AKAP8: variants seen among roughly 807,000 people sequenced by gnomAD.
The protein encoded by AKAP8 is A-kinase anchor protein 8.
AKAP8 carries 24 observed loss-of-function variants against 67.5 expected under a neutral mutation model. The observed-to-expected ratio is 0.36, with a 90% CI of 0.26 to 0.50. AKAP8 has a LOEUF of 0.50. AKAP8 is among the 20% of genes least tolerant of loss of function. AKAP8 has a pLI of 0.97. For synonymous variants in AKAP8, 400 were observed against 371.1 expected (o/e 1.08, Z -0.90); for missense variants, 971 against 955.9 (o/e 1.02, Z -0.21).
chr19:15,369,501 G>A lies in AKAP8; in HGVS notation c.1072+645C>T, dbSNP rs769988323. ...GGCTTCAGGGTGAGCTCCAGGCCGCGGCACCTCAGGCCGCTCTGCCATGAG... is the reference window on the plus strand; with the variant it reads ...GGCTTCAGGGTGAGCTCCAGGCCGCAGCACCTCAGGCCGCTCTGCCATGAG... On this transcript the variant is annotated intron_variant, in intron 8 of 13. Coordinates refer to ENST00000269701, the MANE Select transcript of AKAP8 (RefSeq NM_005858.4). This position sits in a 1 kb window ranked among gnomAD's most constrained non-coding sequence, Gnocchi z 4.6. Among the ~76,000 whole-genome samples the A allele has an allele frequency of 4.6e-5, 7 of 152,328 alleles. No homozygotes were observed. Among genetic ancestry groups the A allele is most frequent in the Admixed American group, 1.3e-4 (2 of 15,306 alleles).
intron 13 of AKAP8, among the ~76,000 whole-genome samples, chr19:15,356,553 C>T (rs564939194): frequency 6.6e-6 from 1 of 151,962 alleles, no homozygotes; most frequent in East Asian, 1.9e-4. Flanking sequence ...TGCCGGAGCT[C>T]AGGAGTTCGA....
At chr19:15,373,458 C>CTTAG (rs895039612) in intron 4 of AKAP8, 118 bp from the exon 5 acceptor site, 2 of 1,424,358 alleles carry the variant, frequency 1.4e-6, no homozygotes, top group Non-Finnish European at 1.9e-6. Context: ...CCCTGCATCC[C>CTTAG]ACCTAAGTGC....
At position 15,355,213 on chromosome 19, in the gene AKAP8, G is replaced by A. The variant is rs765576072; in HGVS notation, c.1781C>T (p.Ala594Val). ...CTCCCCGCTGCTCTCTGGAGCGGGC[G>A]CTCCTTCCCCATCTACGGCCCTCAC... is the stretch of plus-strand genomic sequence containing the variant. ...AAVRAVDGEG[A>V]PAPESSGEPA... Residue 594 changes from alanine (A) to valine (V), a missense_variant, in exon 14 of 14, where the codon GCG (alanine) becomes GTG (valine). By Grantham distance (64) the Ala-to-Val change is moderately conservative. Transcript: ENST00000269701. 22 of 1,611,146 alleles carry A rather than the reference G, an allele frequency of 1.4e-5. No homozygotes were observed. The highest frequency in any genetic ancestry group is 9.9e-5 in the South Asian group (9 of 91,088).
chr19:15,378,483 C>A (rs905140010), intron 1 of AKAP8, among the ~76,000 whole-genome samples: 6 of 152,146 alleles, frequency 3.9e-5, no homozygotes, highest in African/African-American at 1.4e-4. Flanking sequence ...AGAAGGAATA[C>A]AATACCTGCA....
chr19:15,370,098 G>A (rs974124565), intron 8 of AKAP8, 48 bp downstream of exon 8: 5 of 1,611,168 alleles, frequency 3.1e-6, no homozygotes, highest in African/African-American at 1.3e-5. Flanking sequence ...TAAGTGCGGG[G>A]CAGCTGGGAA....
intron 1 of AKAP8, among the ~76,000 whole-genome samples, chr19:15,377,751 A>T (rs1207897970): frequency 6.6e-6 from 1 of 152,050 alleles, no homozygotes; most frequent in African/African-American, 2.4e-5. Flanking sequence ...TACAGGCGTG[A>T]GTCACCGCGC....
Position 15,373,119 on chromosome 19 carries a change from C to T in AKAP8, c.593G>A (p.Arg198Gln), listed in dbSNP as rs547463044. The change falls in exon 5 of 14, where the codon CGG becomes CAG. Residue 198 changes from arginine (R) to glutamine (Q), a missense_variant. Physicochemically the swap from Arg to Gln is conservative, Grantham distance 43. This residue lies in a region of AKAP8 where 763 missense variants were observed against 745.4 expected (regional missense o/e 1.02). Transcript: ENST00000269701. Reference protein sequence around the residue: ...RGRGQGRFQDRSNPGTFMRSD... With the variant: ...RGRGQGRFQDQSNPGTFMRSD... Reference sequence around the variant, plus strand: ...GCGCATGAAGGTGCCAGGGTTGCTCCGGTCCTGGAAGCGGCCCTGGCCCCG... The same window carrying T: ...GCGCATGAAGGTGCCAGGGTTGCTCTGGTCCTGGAAGCGGCCCTGGCCCCG... 153 of 1,612,684 alleles carry T rather than the reference C, an allele frequency of 9.5e-5. 1 individual carries two copies. Among genetic ancestry groups the T allele is most frequent in the South Asian group, 7.1e-4 (65 of 91,034 alleles).
At chr19:15,364,552 T>C (rs146185080) in intron 9 of AKAP8, among the ~76,000 whole-genome samples, 1 of 152,292 alleles carries the variant, frequency 6.6e-6, no homozygotes, top group East Asian at 1.9e-4. Flanking sequence ...GGTTTCACCA[T>C]GGTGGCTAGG....
intron 3 of AKAP8, 112 bp downstream of exon 3, chr19:15,374,491 A>AG: frequency 7.6e-7 from 1 of 1,315,720 alleles, no homozygotes; most frequent in South Asian, 1.4e-5. Flanking sequence ...CTGCGTCCTC[A>AG]GGAACAGAGC....
At chr19:15,362,908 G>A (rs1427355218) in intron 9 of AKAP8, among the ~76,000 whole-genome samples, 3 of 151,216 alleles carry the variant, frequency 2.0e-5, no homozygotes, top group Non-Finnish European at 4.4e-5. Context: ...CATCTAGGAA[G>A]TGAGGAGCGC....
chr19:15,361,180 TG>T (rs767811605), intron 11 of AKAP8, among the ~76,000 whole-genome samples: 1 of 152,174 alleles, frequency 6.6e-6, no homozygotes, highest in Non-Finnish European at 1.5e-5. Context: ...TCCTCCTGGT[TG>T]TTTCTTTTCA....
Position 15,355,024 on chromosome 19 carries a change from G to A in AKAP8, c.1970C>T (p.Ala657Val). The change falls in exon 14 of 14, where the codon GCA (alanine) becomes GTA (valine). Residue 657 changes from alanine to valine, a missense_variant. Coordinates refer to ENST00000269701, the MANE Select transcript of AKAP8 (RefSeq NM_005858.4). The stretch of plus-strand genomic sequence containing the variant: ...GGTTTGGGCACTTTCTGCCTCTGCT[G>A]CCATTGTCTCGGCGCCATTTCCAGC... Reference protein sequence around the residue: ...AEAGNGAETMAAEAESAQTRV... With the variant: ...AEAGNGAETMVAEAESAQTRV... The A allele has an allele frequency of 6.2e-7, 1 of 1,614,146 alleles. No individual in the cohort carries two copies. The highest frequency in any genetic ancestry group is 8.5e-7 in the Non-Finnish European group (1 of 1,180,046).
Position 15,379,738 on chromosome 19 carries a change from G to C in AKAP8, c.-7C>G. The C allele has an allele frequency of 1.2e-6, 2 of 1,611,432 alleles. No homozygotes were observed. The highest frequency in any genetic ancestry group is 1.7e-6 in the Non-Finnish European group (2 of 1,179,066). On this transcript the variant is annotated 5_prime_UTR_variant, in exon 1 of 14. Transcript: ENST00000269701. ...CTCCGTAGCCCTGGTCCATGTCTTC[G>C]ACGCGGCCCACCAGCAGCCCCGTTT...
intron 1 of AKAP8, among the ~76,000 whole-genome samples, chr19:15,377,355 C>A (rs754771761): frequency 5.9e-5 from 9 of 152,352 alleles, no homozygotes; most frequent in South Asian, 4.1e-4. Context: ...CACGTTCCCC[C>A]ACCCACCACA....
In AKAP8 at chr19:15,360,969, T is replaced by C. The variant is rs761408669; in HGVS notation, c.1406A>G (p.Gln469Arg). ...PKPDPFKGIG[Q>R]EHFFKKIEAA... ...CTCGATCTTCTTGAAGAAGTGCTCC[T>C]GGCCAATCCCTGCCAGGAAACGCAT... is the stretch of plus-strand genomic sequence containing the variant. Residue 469 changes from glutamine to arginine, a missense_variant, in exon 12 of 14, where the codon CAG (glutamine) becomes CGG (arginine). Physicochemically the swap from Gln to Arg is conservative, Grantham distance 43. Transcript: ENST00000269701. 1.2e-6 allele frequency: 2 copies of C among 1,612,894 alleles called. No individual in the cohort carries two copies. Among genetic ancestry groups the C allele is most frequent in the African/African-American group, 1.3e-5 (1 of 74,908 alleles).
rs1274465619 is a variant in AKAP8, at chr19:15,373,360, C to A, written c.372-20G>T. The A allele has an allele frequency of 2.1e-5, 33 of 1,583,950 alleles. No individual in the cohort carries two copies. Among genetic ancestry groups the A allele is most frequent in the Non-Finnish European group, 2.7e-5 (31 of 1,164,380 alleles). Reference sequence around the variant, plus strand: ...AAGGAGCTGCAACAGAAGCACAGCCCATCAGGGGCGGTCACCCCGATCACC... The same window carrying A: ...AAGGAGCTGCAACAGAAGCACAGCCAATCAGGGGCGGTCACCCCGATCACC... On this transcript the variant is annotated intron_variant, in intron 4 of 13. Coordinates refer to ENST00000269701, the MANE Select transcript of AKAP8 (RefSeq NM_005858.4).
rs1456206730 is a variant in AKAP8 at position 15,369,274 on chromosome 19, G to A, written c.1072+872C>T. ...TTGCTTTAGCATTGTGCCGCTAAGC[G>A]CTCGGGGCGCCCCGTGCTATGGACA... is the stretch of plus-strand genomic sequence containing the variant. On this transcript the variant is annotated intron_variant, in intron 8 of 13. Coordinates refer to ENST00000269701, the MANE Select transcript of AKAP8 (RefSeq NM_005858.4). The surrounding 1 kb of genome is among the most constrained non-coding windows in gnomAD (Gnocchi z 4.6). 3.0e-6 allele frequency: 3 copies of A among 985,092 alleles called. No homozygotes were observed. Among genetic ancestry groups the A allele is most frequent in the Admixed American group, 6.1e-5 (1 of 16,268 alleles). The allele number at this position is 985,092 out of a possible 1,614,324, so 61.0% of individuals were successfully genotyped here. A position where few individuals can be genotyped will look rare whatever the true frequency, so the allele number is the denominator to read the frequency against.
chr19:15,361,981 A>C (rs981868184), intron 10 of AKAP8, 129 bp downstream of exon 10: 107 of 1,416,860 alleles, frequency 7.6e-5, no homozygotes, highest in Non-Finnish European at 9.3e-5. Context: ...TCAGGGACTT[A>C]CACAGCTACT....
In AKAP8 at chr19:15,370,134, G is replaced by C. The variant is rs373189435; in HGVS notation, c.1072+12C>G. The C allele has an allele frequency of 6.2e-7, 1 of 1,613,978 alleles. No individual in the cohort carries two copies. Among genetic ancestry groups the C allele is most frequent in the Admixed American group, 1.7e-5 (1 of 59,990 alleles). On this transcript the variant is annotated intron_variant, in intron 8 of 13. Coordinates refer to ENST00000269701, the MANE Select transcript of AKAP8 (RefSeq NM_005858.4). ...GACACAGGAAAGCTGCAAGGGACAC[G>C]GTGATGCCTACCTCTTTGCCTCCCA...
Sources: gnomAD v4.1 joint callset for allele counts (sites outside exome capture counted in the v4.1 genomes callset) on GRCh38, gnomAD v4.1.1 for gene constraint, gnomAD v4.1.1 regional missense constraint, Gnocchi (gnomAD v3.1) non-coding constraint, MANE v1.5 for transcripts, NCBI Gene and HGNC (gene_info 2026-07-23, HGNC 2026-07-21) for gene names.